Variants in CSMD3 observed in about 807,000 individuals in gnomAD.
CSMD3 encodes the protein CUB and sushi domain-containing protein 3.
In CSMD3, 177 loss-of-function variants were observed where a neutral mutation model predicts 435.2. That is an observed-to-expected ratio of 0.41 (90% CI 0.36 to 0.46). The LOEUF (loss-of-function observed/expected upper bound fraction) is 0.46. CSMD3 is among the 20% of genes least tolerant of loss of function. The probability of loss-of-function intolerance (pLI) is 0.34; values close to 1 mark genes in which losing one functional copy is unlikely to be tolerated. For missense variants in CSMD3, 4,265 were observed against 4,504.6 expected, an observed-to-expected ratio of 0.95 and a Z score of 1.52; for synonymous variants, 1,656 against 1,520.5, an observed-to-expected ratio of 1.09 and a Z score of -2.07.
At chr8:113,309,387 C>G (rs73339723) in intron 2 of CSMD3, 1 of 152,172 alleles carries the variant, frequency 6.6e-6, no homozygotes, top group South Asian at 2.1e-4. Context: ...CCTTCGCTCC[C>G]TCCCCACACT....
chr8:112,650,219 T>C lies in CSMD3; in HGVS notation c.3135A>G (p.Glu1045=), dbSNP rs1157686539. ...GGTTTTTTTCGCATAGAAGGGGCTCTTCATGACTCAACCTGTATCCTGAAT... is the reference window on the plus strand; with the variant it reads ...GGTTTTTTTCGCATAGAAGGGGCTCCTCATGACTCAACCTGTATCCTGAAT... ...SCDSGYRLSH[E]EPLLCEKNHW... is the part of the protein sequence containing the mutation. The change falls in exon 19 of 71, where the codon GAA becomes GAG. Residue 1045 remains glutamate, a synonymous_variant. Coordinates refer to ENST00000297405, the MANE Select transcript of CSMD3 (RefSeq NM_198123.2). 3.1e-6 allele frequency: 5 copies of C among 1,614,006 alleles called. No individual in the cohort carries two copies. The highest frequency in any genetic ancestry group is 3.4e-6 in the Non-Finnish European group (4 of 1,179,864).
chr8:112,620,653 G>A (rs1033787147), intron 22 of CSMD3, among the ~76,000 whole-genome samples: 1 of 152,076 alleles, frequency 6.6e-6, no homozygotes, highest in Non-Finnish European at 1.5e-5. Context: ...CAGACTTCCC[G>A]AGGCCAGCCA....
chr8:112,667,384 C>T (rs1160548184), intron 16 of CSMD3, among the ~76,000 whole-genome samples: 1 of 152,162 alleles, frequency 6.6e-6, no homozygotes, highest in African/African-American at 2.4e-5. Context: ...ACTCCCATAT[C>T]CAACCCATCC....
intron 13 of CSMD3, among the ~76,000 whole-genome samples, chr8:112,738,008 T>C (rs554757691): frequency 1.3e-5 from 2 of 151,966 alleles, no homozygotes; most frequent in South Asian, 4.1e-4. Context: ...TGATGATAGT[T>C]TGATTGACAG....
chr8:113,317,204 G>T (rs1033678835), intron 1 of CSMD3, among the ~76,000 whole-genome samples: 16 of 152,100 alleles, frequency 1.1e-4, no homozygotes, highest in South Asian at 6.2e-4. Flanking sequence ...TAAATAAAAG[G>T]TCTCTTTTTA....
intron 2 of CSMD3, among the ~76,000 whole-genome samples, chr8:113,290,579 T>G (rs1015065858): frequency 6.6e-6 from 1 of 151,698 alleles, no homozygotes; most frequent in African/African-American, 2.4e-5. Context: ...CCAATACAAC[T>G]GGTAAATAAC....
intron 47 of CSMD3, among the ~76,000 whole-genome samples, chr8:112,316,502 C>A (rs1202419015): frequency 6.6e-6 from 1 of 151,702 alleles, no homozygotes; most frequent in African/African-American, 2.4e-5. Flanking sequence ...ATATACTTTA[C>A]TACAATACAC....
chr8:112,781,768 G>A (rs954058612), intron 13 of CSMD3, among the ~76,000 whole-genome samples: 3 of 152,102 alleles, frequency 2.0e-5, no homozygotes, highest in Admixed American at 6.6e-5. Flanking sequence ...TAAGTGAAGA[G>A]AACAAGTGAC....
intron 32 of CSMD3, among the ~76,000 whole-genome samples, chr8:112,413,305 TAAGATTGAGAG>T (rs1406972873): frequency 6.6e-6 from 1 of 152,150 alleles, no homozygotes; most frequent in Non-Finnish European, 1.5e-5. Context: ...TCCATCCAAA[TAAGATTGAGAG>T]GTAGGGTTCC....
At chr8:113,218,439 A>C (rs2092930214) in intron 3 of CSMD3, among the ~76,000 whole-genome samples, 1 of 148,626 alleles carries the variant, frequency 6.7e-6, no homozygotes, top group Non-Finnish European at 1.5e-5. Context: ...ATTTTTCATA[A>C]TCTTTTAAAA....
intron 32 of CSMD3, among the ~76,000 whole-genome samples, chr8:112,424,106 T>C (rs1403797177): frequency 6.6e-6 from 1 of 152,110 alleles, no homozygotes; most frequent in African/African-American, 2.4e-5. Context: ...TGGTTGAAAA[T>C]TAATGATTTT....
chr8:112,710,442 T>C lies in CSMD3; in HGVS notation c.1973-20392A>G, dbSNP rs76584957. Among the ~76,000 whole-genome samples the C allele has an allele frequency of 3.6e-3, 548 of 152,260 alleles. 1 individual carries two copies. Among genetic ancestry groups the C allele is most frequent in the African/African-American group, 0.012 (518 of 41,564 alleles). ...TATCCAATAATAAAAATAATTTTCT[T>C]TCTATACTGCTTTTGTGGAGAGGCT... On this transcript the variant is annotated intron_variant, in intron 13 of 70. Transcript: ENST00000297405.
intron 1 of CSMD3, among the ~76,000 whole-genome samples, chr8:113,320,882 C>G (rs1445419340): frequency 6.6e-6 from 1 of 152,094 alleles, no homozygotes; most frequent in Non-Finnish European, 1.5e-5. Flanking sequence ...TTATCTGTTT[C>G]CACCCTTTGC....
chr8:112,305,597 G>T (rs1246981704), intron 51 of CSMD3, among the ~76,000 whole-genome samples: 1 of 152,006 alleles, frequency 6.6e-6, no homozygotes, highest in Non-Finnish European at 1.5e-5. Flanking sequence ...ATCAACAAAA[G>T]TTTAAAGTTA....
intron 6 of CSMD3, among the ~76,000 whole-genome samples, chr8:112,982,322 T>A (rs1249560714): frequency 6.6e-6 from 1 of 151,932 alleles, no homozygotes; most frequent in Admixed American, 6.6e-5. Context: ...CAATAAATGT[T>A]GAAGACCTAG....
intron 13 of CSMD3, 50 bp from the exon 14 acceptor site, chr8:112,690,100 A>G: frequency 7.7e-7 from 1 of 1,301,936 alleles, no homozygotes; most frequent in East Asian, 2.3e-5. Context: ...CAGGCATATG[A>G]TACCCATAAT....
At chr8:113,061,869 T>TA (rs2088629744) in intron 5 of CSMD3, among the ~76,000 whole-genome samples, 2 of 151,696 alleles carry the variant, frequency 1.3e-5, no homozygotes, top group African/African-American at 4.8e-5. Context: ...AATCTTATGA[T>TA]ATAGACTCAA....
At chr8:112,362,764 G>T (rs1359066901) in intron 38 of CSMD3, among the ~76,000 whole-genome samples, 2 of 151,958 alleles carry the variant, frequency 1.3e-5, no homozygotes, top group Non-Finnish European at 2.9e-5. Context: ...TTGCTCCATA[G>T]AAGTAACCCA....
chr8:112,371,660 C>T (rs189400365), intron 38 of CSMD3, among the ~76,000 whole-genome samples: 7 of 152,128 alleles, frequency 4.6e-5, no homozygotes, highest in Admixed American at 3.9e-4. Flanking sequence ...GAGGCCGAGG[C>T]GGGCGTATTA....
Sources: gnomAD v4.1 joint callset for allele counts (sites outside exome capture counted in the v4.1 genomes callset) on GRCh38, gnomAD v4.1.1 for gene constraint, MANE v1.5 for transcripts, NCBI Gene and HGNC (gene_info 2026-07-23, HGNC 2026-07-21) for gene names.